Variants in MPHOSPH9 observed in about 807,000 individuals in gnomAD.
MPHOSPH9 encodes M-phase phosphoprotein 9.
Under a neutral mutation model 145.5 loss-of-function variants are expected in MPHOSPH9, and 88 were observed. The ratio of observed to expected loss-of-function variants is 0.60; its 90% CI spans 0.51 to 0.72. The LOEUF (loss-of-function observed/expected upper bound fraction) is 0.72. Ranked by LOEUF, MPHOSPH9 falls within the 30% of genes least tolerant of loss-of-function variation. The pLI is 0.00. For synonymous variants in MPHOSPH9, 435 were observed against 486.2 expected (o/e 0.89, Z 1.39); for missense variants, 1,238 against 1,386.6 (o/e 0.89, Z 1.70).
intron 13 of MPHOSPH9, among the ~76,000 whole-genome samples, chr12:123,188,954 T>C (rs1380779526): frequency 6.6e-6 from 1 of 152,074 alleles, no homozygotes; most frequent in Non-Finnish European, 1.5e-5. Flanking sequence ...GAAGATCACT[T>C]GAGCCCAGAA....
At position 123,231,145 on chromosome 12, in the gene MPHOSPH9, T is replaced by C. The variant is rs531342079; in HGVS notation, c.-158-623A>G. On this transcript the variant is annotated intron_variant, in intron 1 of 23. Transcript: ENST00000606320. ...ATATTTCAGATTTTTATATGTTTAA[T>C]AATCAAGGTTCTTTTTTTTAGAGAC... is the stretch of plus-strand genomic sequence containing the variant. Among the ~76,000 whole-genome samples the C allele has an allele frequency of 1.1e-4, 16 of 152,338 alleles. 1 individual carries two copies. The East Asian group carries it at 2.9e-3, about 28-fold the overall frequency.
intron 3 of MPHOSPH9, among the ~76,000 whole-genome samples, chr12:123,224,423 T>C (rs1397972715): frequency 6.6e-6 from 1 of 151,964 alleles, no homozygotes; most frequent in African/African-American, 2.4e-5. Flanking sequence ...CGTGAGCCAC[T>C]GCACCCAGCC....
chr12:123,168,890 T>G (rs1239701986), intron 16 of MPHOSPH9, among the ~76,000 whole-genome samples: 1 of 142,292 alleles, frequency 7.0e-6, no homozygotes, highest in East Asian at 2.1e-4. Context: ...TTTCCCTCAG[T>G]TTTTTTTTTT....
upstream of MPHOSPH9, among the ~76,000 whole-genome samples, chr12:123,235,594 G>C (rs916110204): frequency 6.7e-6 from 1 of 150,276 alleles, no homozygotes; most frequent in Non-Finnish European, 1.5e-5. Context: ...GGTTGGTCTC[G>C]ATCTCCTGAC....
At position 123,198,327 on chromosome 12, in the gene MPHOSPH9, G is replaced by T; in HGVS notation, c.1945C>A (p.Gln649Lys). The T allele has an allele frequency of 6.2e-7, 1 of 1,610,030 alleles. No homozygotes were observed. The highest frequency in any genetic ancestry group is 8.5e-7 in the Non-Finnish European group (1 of 1,178,002). ...GCTTCATGCAAAGCACTATCTAATT[G>T]GCCACATCTAAAAACCATAAATTTA... is the stretch of plus-strand genomic sequence containing the variant. ...TNQILVDRCG[Q>K]LDSALHEATS... The change falls in exon 12 of 24, where the codon CAA becomes AAA. Residue 649 changes from glutamine (Q) to lysine (K), a missense_variant. By Grantham distance (53) the Gln-to-Lys change is moderately conservative. Coordinates refer to ENST00000606320, the MANE Select transcript of MPHOSPH9 (RefSeq NM_022782.4).
At chr12:123,215,960 G>A (rs921504669) in intron 6 of MPHOSPH9, among the ~76,000 whole-genome samples, 6 of 152,142 alleles carry the variant, frequency 3.9e-5, no homozygotes, top group South Asian at 2.1e-4. Flanking sequence ...AGAGAAGGCC[G>A]GGCGCGGTGG....
At chr12:123,221,200 A>T (rs1000144839) in intron 5 of MPHOSPH9, among the ~76,000 whole-genome samples, 172 bp downstream of exon 5, 3 of 152,254 alleles carry the variant, frequency 2.0e-5, no homozygotes, top group African/African-American at 7.2e-5. Context: ...AACATTACAG[A>T]TGGGAAGAAA....
chr12:123,242,287 C>T (rs7313483), intron 1 of MPHOSPH9, among the ~76,000 whole-genome samples: 97,155 of 151,994 alleles, frequency 0.64, 35,494 homozygotes, highest in East Asian at 1. Context: ...AGCCCTACGC[C>T]GAAGCTCACG....
At chr12:123,203,479 T>C (rs2138366107) in intron 8 of MPHOSPH9, 104 bp from the exon 9 acceptor site, 2 of 1,041,936 alleles carry the variant, frequency 1.9e-6, no homozygotes, top group South Asian at 1.7e-5. Context: ...TTTAAGCAAA[T>C]TGAAAATGTA....
intron 4 of MPHOSPH9, 23 bp from the exon 5 acceptor site, chr12:123,221,918 T>C (rs770959227): frequency 7.4e-6 from 10 of 1,353,706 alleles, no homozygotes; most frequent in African/African-American, 1.5e-5. Context: ...AGTTATAGAT[T>C]TGGGTAAGAA....
At chr12:123,172,804 G>C (rs1278088417) in intron 16 of MPHOSPH9, among the ~76,000 whole-genome samples, 5 of 148,944 alleles carry the variant, frequency 3.4e-5, no homozygotes, top group African/African-American at 9.8e-5. Flanking sequence ...TCATGATGCA[G>C]TGTCATGCTT....
chr12:123,162,026 A>G lies in MPHOSPH9; in HGVS notation c.3133+89T>C, dbSNP rs911058793. The G allele has an allele frequency of 3.9e-6, 3 of 763,674 alleles. No homozygotes were observed. In the African/African-American group the frequency reaches 5.4e-5, roughly 14 times the overall value. 47.3% of individuals were successfully genotyped at this position (763,674 alleles called of 1,614,324 possible). A position where few individuals can be genotyped will look rare whatever the true frequency, so the allele number is the denominator to read the frequency against. ...GAGTGGGAAAATATTTAAGTGCAAG[A>G]TATTATAATATTTAGAACACTGAGA... On this transcript the variant is annotated intron_variant, in intron 21 of 23. Coordinates refer to ENST00000606320, the MANE Select transcript of MPHOSPH9 (RefSeq NM_022782.4).
chr12:123,228,244 G>A (rs1171058510), intron 2 of MPHOSPH9, among the ~76,000 whole-genome samples: 1 of 151,966 alleles, frequency 6.6e-6, no homozygotes, highest in Non-Finnish European at 1.5e-5. Context: ...TATATTTCAG[G>A]ACATTAAAAT....
At chr12:123,171,356 A>G (rs931139614) in intron 16 of MPHOSPH9, among the ~76,000 whole-genome samples, 1 of 152,194 alleles carries the variant, frequency 6.6e-6, no homozygotes, top group Non-Finnish European at 1.5e-5. Flanking sequence ...CGGGAGGCTG[A>G]GGTGGGAGAA....
rs757158748 is a variant in MPHOSPH9, at chr12:123,162,966, A to C, written c.3029+48T>G. 9 of 1,485,336 alleles carry C rather than the reference A, an allele frequency of 6.1e-6. No individual in the cohort carries two copies. The Admixed American group carries it at 2.4e-4, about 39-fold the overall frequency. 92.0% of individuals were successfully genotyped at this position (1,485,336 alleles called of 1,614,324 possible). The stretch of plus-strand genomic sequence containing the variant: ...AGAGACATAAGTCAACATTTAGAAA[A>C]AAATCACTAATATAGTAAACTTTAT... On this transcript the variant is annotated intron_variant, in intron 20 of 23. Transcript: ENST00000606320.
intron 13 of MPHOSPH9, among the ~76,000 whole-genome samples, chr12:123,191,279 C>T (rs556166120): frequency 4.6e-4 from 70 of 152,128 alleles, no homozygotes; most frequent in African/African-American, 1.6e-3. Flanking sequence ...TGAGATTGCA[C>T]CATTGCACTC....
chr12:123,198,155 G>C, intron 12 of MPHOSPH9, 92 bp downstream of exon 12: 3 of 946,680 alleles, frequency 3.2e-6, no homozygotes, highest in Non-Finnish European at 4.9e-6. Context: ...AACTTCATAA[G>C]CCTTCCTTAA....
At chr12:123,160,902 C>A in intron 22 of MPHOSPH9, 53 bp from the exon 23 acceptor site, 1 of 1,567,136 alleles carries the variant, frequency 6.4e-7, no homozygotes, top group Non-Finnish European at 8.7e-7. Context: ...AGGTTTATCA[C>A]ACAGAATGGA....
intron 7 of MPHOSPH9, among the ~76,000 whole-genome samples, chr12:123,212,619 A>G (rs572776094): frequency 4.6e-5 from 7 of 151,204 alleles, no homozygotes; most frequent in African/African-American, 1.7e-4. Context: ...GCTGAGGCAG[A>G]AAAATCACTT....
Sources: gnomAD v4.1 joint callset for allele counts (sites outside exome capture counted in the v4.1 genomes callset) on GRCh38, gnomAD v4.1.1 for gene constraint, MANE v1.5 for transcripts, NCBI Gene and HGNC (gene_info 2026-07-23, HGNC 2026-07-21) for gene names.